Variants in KCNN2 observed in about 807,000 individuals in gnomAD.
KCNN2 encodes the protein potassium calcium-activated channel subfamily N member 2.
Under a neutral mutation model 55.5 loss-of-function variants are expected in KCNN2, and 24 were observed. That is an observed-to-expected ratio of 0.43 (90% CI 0.31 to 0.61). The LOEUF is 0.61. Among genes scored for constraint, KCNN2 ranks in the 20% least tolerant of loss-of-function variants. KCNN2 has a pLI of 0.08. For missense variants in KCNN2, 754 were observed against 853.6 expected (o/e 0.88, Z 1.45); for synonymous variants, 431 against 336.1 (o/e 1.28, Z -3.09).
rs190195696 is a variant in KCNN2 at position 114,142,018 on chromosome 5, A to G, written c.-270-79462A>G. On this transcript the variant is annotated intron_variant, in intron 1 of 10. Coordinates refer to the KCNN2 transcript ENST00000512097. ...GTAAGTTTGTTTGAGTTCTTTGTAG[A>G]TTCTGGATATTAGCCCTTTGTCAGA... 2.9e-3 allele frequency among the ~76,000 whole-genome samples: 436 copies of G among 152,176 alleles called. 1 individual carries two copies. The highest frequency in any genetic ancestry group is 0.01 in the African/African-American group (419 of 41,490).
chr5:114,414,480 T>A (rs1288094843), intron 3 of KCNN2, among the ~76,000 whole-genome samples: 1 of 152,156 alleles, frequency 6.6e-6, no homozygotes, highest in Non-Finnish European at 1.5e-5. Flanking sequence ...GGTAGAGCAA[T>A]GTCTAGTCTA....
chr5:114,220,544 T>A (rs1229791859), intron 1 of KCNN2, among the ~76,000 whole-genome samples: 1 of 152,028 alleles, frequency 6.6e-6, no homozygotes, highest in East Asian at 1.9e-4. Flanking sequence ...ACAGAAATGT[T>A]TTTTAAAAAA....
chr5:114,135,839 G>A (rs1297316473), intron 1 of KCNN2, among the ~76,000 whole-genome samples: 1 of 152,140 alleles, frequency 6.6e-6, no homozygotes, highest in Non-Finnish European at 1.5e-5. Context: ...AACACAATGT[G>A]ATCTTTAAAA....
rs373798632 is a variant in KCNN2, at chr5:114,472,433, A to G, written c.1780-621A>G. ...GTGCCTTTCCTAGTGTCATGTTAGT[A>G]AACCTGTAAAATGGTATAATGGTTA... is the stretch of plus-strand genomic sequence containing the variant. On this transcript the variant is annotated intron_variant, in intron 4 of 7. Transcript: ENST00000673685. Among the ~76,000 whole-genome samples the G allele has an allele frequency of 5.3e-5, 8 of 152,268 alleles. No homozygotes were observed. In the East Asian group the frequency reaches 9.6e-4, roughly 18 times the overall value.
chr5:114,321,092 C>T (rs903868703), intron 2 of KCNN2, among the ~76,000 whole-genome samples: 3 of 152,152 alleles, frequency 2.0e-5, no homozygotes, highest in South Asian at 2.1e-4. Flanking sequence ...TTGTTTCCCA[C>T]GTCTTTGCAT....
intron 1 of KCNN2, among the ~76,000 whole-genome samples, chr5:114,161,570 T>G (rs929044863): frequency 1.3e-5 from 2 of 152,150 alleles, no homozygotes; most frequent in South Asian, 2.1e-4. Context: ...TTGGGGAAGT[T>G]TTTCTGGATA....
chr5:114,277,187 G>A (rs770266311), intron 2 of KCNN2, among the ~76,000 whole-genome samples: 7 of 152,120 alleles, frequency 4.6e-5, no homozygotes, highest in Non-Finnish European at 7.3e-5. Context: ...TGGCTTGTAG[G>A]GTTTCTGCAG....
intron 2 of KCNN2, among the ~76,000 whole-genome samples, chr5:114,345,306 C>G (rs1206164763): frequency 6.6e-6 from 1 of 152,156 alleles, no homozygotes; most frequent in Non-Finnish European, 1.5e-5. Context: ...AAAGCAGAAT[C>G]TAATAAAATT....
intron 3 of KCNN2, among the ~76,000 whole-genome samples, chr5:114,412,137 G>A (rs1162061281): frequency 2.0e-5 from 3 of 151,988 alleles, no homozygotes; most frequent in Admixed American, 2.0e-4. Flanking sequence ...TGAGATTTGG[G>A]GTCCCACTTT....
chr5:114,423,066 A>T (rs1222351476), intron 3 of KCNN2, among the ~76,000 whole-genome samples: 1 of 152,208 alleles, frequency 6.6e-6, no homozygotes, highest in Non-Finnish European at 1.5e-5. Context: ...GTTAAGCATT[A>T]CCTGAAGTAA....
intron 2 of KCNN2, among the ~76,000 whole-genome samples, chr5:114,352,388 T>C (rs1232102358): frequency 6.6e-6 from 1 of 151,686 alleles, no homozygotes; most frequent in Non-Finnish European, 1.5e-5. Flanking sequence ...AATTTTTATT[T>C]TCAATGATAT....
At chr5:114,283,224 C>T (rs1275753066) in intron 2 of KCNN2, among the ~76,000 whole-genome samples, 1 of 152,082 alleles carries the variant, frequency 6.6e-6, no homozygotes, top group Non-Finnish European at 1.5e-5. Context: ...TTATCCTCTC[C>T]CATGTGTGTC....
At chr5:114,163,141 C>T (rs1397729069) in intron 1 of KCNN2, among the ~76,000 whole-genome samples, 1 of 152,168 alleles carries the variant, frequency 6.6e-6, no homozygotes, top group Non-Finnish European at 1.5e-5. Flanking sequence ...GCCATCTTGG[C>T]TCCACCCCTG....
intron 3 of KCNN2, among the ~76,000 whole-genome samples, chr5:114,428,114 CCT>C: frequency 6.6e-6 from 1 of 152,238 alleles, no homozygotes; most frequent in East Asian, 1.9e-4. Flanking sequence ...CTTCTCTCTT[CCT>C]CTGTTTATAT....
intron 1 of KCNN2, among the ~76,000 whole-genome samples, chr5:114,166,687 C>G (rs992835071): frequency 6.6e-5 from 10 of 152,124 alleles, no homozygotes; most frequent in Non-Finnish European, 1.5e-4. Flanking sequence ...CCTGGAAAGC[C>G]TCCAGACACA....
chr5:114,470,149 C>G (rs764651577), intron 4 of KCNN2, among the ~76,000 whole-genome samples: 18 of 152,126 alleles, frequency 1.2e-4, no homozygotes, highest in Non-Finnish European at 2.6e-4. Flanking sequence ...AGAATAAACA[C>G]AAATAAAAAT....
chr5:114,360,271 T>G (rs1025050311), upstream of KCNN2, among the ~76,000 whole-genome samples: 1 of 152,102 alleles, frequency 6.6e-6, no homozygotes, highest in Non-Finnish European at 1.5e-5. Context: ...ATAAAATGAA[T>G]TATTCATTCC....
At chr5:114,245,564 G>A (rs1754733764) in intron 2 of KCNN2, among the ~76,000 whole-genome samples, 1 of 152,144 alleles carries the variant, frequency 6.6e-6, no homozygotes, top group South Asian at 2.1e-4. Flanking sequence ...CACTATAGCT[G>A]CCTTTTGGTT....
intron 2 of KCNN2, among the ~76,000 whole-genome samples, chr5:114,269,703 C>G (rs1755284557): frequency 6.6e-6 from 1 of 152,162 alleles, no homozygotes; most frequent in Non-Finnish European, 1.5e-5. Context: ...GTAAGAATGT[C>G]TTTCCTTTCA....
Sources: allele counts gnomAD v4.1 joint callset (sites outside exome capture counted in the v4.1 genomes callset), GRCh38; gene constraint gnomAD v4.1.1; transcripts MANE v1.5; gene names NCBI Gene and HGNC (gene_info 2026-07-23, HGNC 2026-07-21).